Variants in UGGT2 observed in about 807,000 individuals in gnomAD.
UGGT2 encodes the protein UDP-glucose glycoprotein glucosyltransferase 2, also known as UDP-glucose:glycoprotein glucosyltransferase 2.
UGGT2 carries 180 observed loss-of-function variants against 192.1 expected under a neutral mutation model. That is an observed-to-expected ratio of 0.94 (90% CI 0.83 to 1.06). The LOEUF is 1.06. Among genes scored for constraint, UGGT2 ranks in the 50% least tolerant of loss-of-function variants. The probability of loss-of-function intolerance (pLI) is 0.00; values close to 1 mark genes in which losing one functional copy is unlikely to be tolerated. For synonymous variants in UGGT2, 580 were observed against 591.0 expected (o/e 0.98, Z 0.27); for missense variants, 1,849 against 1,795.7 (o/e 1.03, Z -0.54).
chr13:95,930,989 G>A (rs1336872264), intron 17 of UGGT2, among the ~76,000 whole-genome samples: 6 of 145,322 alleles, frequency 4.1e-5, no homozygotes, highest in Non-Finnish European at 9.4e-5. Flanking sequence ...GCATGGAAAG[G>A]GACCCAAGCG....
chr13:95,913,882 T>C (rs2048586483), intron 20 of UGGT2, among the ~76,000 whole-genome samples: 1 of 152,158 alleles, frequency 6.6e-6, no homozygotes, highest in African/African-American at 2.4e-5. Context: ...GTGGCACGTA[T>C]ACACCATGGA....
intron 20 of UGGT2, among the ~76,000 whole-genome samples, chr13:95,906,941 G>A (rs1566672182): frequency 6.6e-6 from 1 of 152,170 alleles, no homozygotes; most frequent in Non-Finnish European, 1.5e-5. Flanking sequence ...GAAAGTGGGT[G>A]CAGCCCAGGC....
At chr13:95,976,428 A>G (rs2050939625) in intron 10 of UGGT2, among the ~76,000 whole-genome samples, 1 of 152,178 alleles carries the variant, frequency 6.6e-6, no homozygotes, top group African/African-American at 2.4e-5. Flanking sequence ...ACTTTTGGGT[A>G]TATATCCAGC....
At chr13:95,807,533 T>C (rs1019958632) in intron 38 of UGGT2, among the ~76,000 whole-genome samples, 6 of 152,194 alleles carry the variant, frequency 3.9e-5, no homozygotes, top group African/African-American at 1.4e-4. Context: ...GGAACTCTTC[T>C]GCCAATTGTC....
rs190176845 is a variant in UGGT2 at position 95,816,211 on chromosome 13, T to C, written c.4529-14399A>G. The stretch of plus-strand genomic sequence containing the variant: ...ACGAACTAATATTATAATTAGTCTG[T>C]AGGGAAATGTAAACTGAAACTACAA... On this transcript the variant is annotated intron_variant, in intron 38 of 38. Coordinates refer to ENST00000376747, the MANE Select transcript of UGGT2 (RefSeq NM_020121.4). Among the ~76,000 whole-genome samples the C allele has an allele frequency of 1.3e-3, 193 of 152,346 alleles. 1 individual carries two copies. Among genetic ancestry groups the C allele is most frequent in the African/African-American group, 4.3e-3 (179 of 41,574 alleles).
chr13:95,927,389 T>C (rs1011182648), intron 17 of UGGT2, 53 bp from the exon 18 acceptor site: 4 of 1,466,508 alleles, frequency 2.7e-6, no homozygotes, highest in Non-Finnish European at 3.7e-6. Context: ...TATCCATGTT[T>C]CAAAAAGTAT....
At chr13:95,804,308 G>T (rs903718360) in intron 38 of UGGT2, among the ~76,000 whole-genome samples, 1 of 152,014 alleles carries the variant, frequency 6.6e-6, no homozygotes, top group Non-Finnish European at 1.5e-5. Context: ...AGAAATGAAA[G>T]AAGACACAAA....
In UGGT2 at chr13:95,940,100, AT is replaced by A; in HGVS notation, c.1678-10del. 7.0e-7 allele frequency: 1 copy of A among 1,434,494 alleles called. No homozygotes were observed. The highest frequency in any genetic ancestry group is 9.3e-7 in the Non-Finnish European group (1 of 1,070,450). The allele number at this position is 1,434,494 out of a possible 1,614,324, so 88.9% of individuals were successfully genotyped here. Reference sequence around the variant, plus strand: ...TTCACTTTTTGGTACATCTGTGAAAATTTAGATATTATAATTAATTTTCTTC... The same window carrying A: ...TTCACTTTTTGGTACATCTGTGAAAATTAGATATTATAATTAATTTTCTTC... On this transcript the variant is annotated splice_polypyrimidine_tract_variant and intron_variant, in intron 15 of 38. Coordinates refer to ENST00000376747, the MANE Select transcript of UGGT2 (RefSeq NM_020121.4).
At chr13:96,045,986 C>A (rs1304591903) in intron 1 of UGGT2, among the ~76,000 whole-genome samples, 2 of 151,904 alleles carry the variant, frequency 1.3e-5, no homozygotes, top group Non-Finnish European at 2.9e-5. Context: ...GAAAAAAAAT[C>A]CTAAAATTCA....
At chr13:95,910,245 T>C (rs1223987358) in intron 20 of UGGT2, among the ~76,000 whole-genome samples, 1 of 152,140 alleles carries the variant, frequency 6.6e-6, no homozygotes, top group Non-Finnish European at 1.5e-5. Context: ...ATAACAATAT[T>C]AACCTGAAAT....
chr13:95,963,484 A>G (rs1434454136), intron 12 of UGGT2, among the ~76,000 whole-genome samples: 1 of 152,202 alleles, frequency 6.6e-6, no homozygotes, highest in Non-Finnish European at 1.5e-5. Context: ...GAACTGCAAC[A>G]AGACAAGGAT....
At chr13:95,807,798 A>G (rs886509967) in intron 38 of UGGT2, among the ~76,000 whole-genome samples, 2 of 143,166 alleles carry the variant, frequency 1.4e-5, no homozygotes, top group Non-Finnish European at 3.0e-5. Context: ...CTGTGAAGTC[A>G]TGCACAACAT....
At chr13:96,017,011 T>C (rs2052360000) in intron 4 of UGGT2, among the ~76,000 whole-genome samples, 1 of 152,238 alleles carries the variant, frequency 6.6e-6, no homozygotes, top group Non-Finnish European at 1.5e-5. Context: ...TAAGATTTAG[T>C]GCCTGCCTAC....
At chr13:95,948,215 G>T in intron 13 of UGGT2, 134 bp from the exon 14 acceptor site, 146 of 338,828 alleles carry the variant, frequency 4.3e-4, no homozygotes, top group Middle Eastern at 9.0e-4. Context: ...CAATTCTAAG[G>T]AATACACACA....
chr13:95,912,493 A>T (rs932680861), intron 20 of UGGT2, among the ~76,000 whole-genome samples: 2 of 152,188 alleles, frequency 1.3e-5, no homozygotes, highest in Admixed American at 6.5e-5. Context: ...CAGAATTGCT[A>T]CAAAGAGAAT....
intron 12 of UGGT2, among the ~76,000 whole-genome samples, chr13:95,966,963 T>A (rs2050600016): frequency 6.6e-6 from 1 of 152,334 alleles, no homozygotes; most frequent in East Asian, 1.9e-4. Flanking sequence ...AATACTCGAT[T>A]GTGTGAATGT....
chr13:95,841,287 A>G (rs1887831626), intron 36 of UGGT2, among the ~76,000 whole-genome samples: 1 of 152,226 alleles, frequency 6.6e-6, no homozygotes, highest in Non-Finnish European at 1.5e-5. Context: ...ACCACTTTGT[A>G]AATTGGTTAT....
chr13:95,936,825 A>C, intron 17 of UGGT2, 99 bp downstream of exon 17: 1 of 1,180,406 alleles, frequency 8.5e-7, no homozygotes, highest in Non-Finnish European at 1.1e-6. Context: ...TCAGAATGGA[A>C]ATTTTTTACC....
intron 10 of UGGT2, among the ~76,000 whole-genome samples, chr13:95,979,546 C>A (rs201763718): frequency 3.4e-4 from 2 of 5,896 alleles, no homozygotes; most frequent in Admixed American, 1.1e-3. Context: ...TGGTCTCTTA[C>A]GCAAAAAAAA....
Sources: allele counts gnomAD v4.1 joint callset (sites outside exome capture counted in the v4.1 genomes callset), GRCh38; gene constraint gnomAD v4.1.1; transcripts MANE v1.5; gene names NCBI Gene and HGNC (gene_info 2026-07-23, HGNC 2026-07-21).